The following GSG1L variants were observed in gnomAD, a reference collection of about 807,000 sequenced individuals.
The protein encoded by GSG1L is germ cell-specific gene 1-like protein.
In GSG1L, 24 loss-of-function variants were observed where a neutral mutation model predicts 42.1. The observed-to-expected ratio is 0.57, with a 90% CI of 0.41 to 0.80. GSG1L has a LOEUF of 0.80. Ranked by LOEUF, GSG1L falls within the 30% of genes least tolerant of loss-of-function variation. The pLI is 0.00. For missense variants in GSG1L, 445 were observed against 472.2 expected, an observed-to-expected ratio of 0.94 and a Z score of 0.53; for synonymous variants, 215 against 203.5, an observed-to-expected ratio of 1.06 and a Z score of -0.48.
At chr16:27,970,002 T>A (rs2085176415) in intron 1 of GSG1L, among the ~76,000 whole-genome samples, 1 of 152,338 alleles carries the variant, frequency 6.6e-6, no homozygotes, top group East Asian at 1.9e-4. Context: ...CATTTCTATA[T>A]CTTCTTTGGA....
intron 5 of GSG1L, among the ~76,000 whole-genome samples, chr16:27,817,099 G>A (rs1017424900): frequency 6.6e-6 from 1 of 152,230 alleles, no homozygotes; most frequent in Non-Finnish European, 1.5e-5. Flanking sequence ...GGACACTGAG[G>A]GAGGGTTTCA....
chr16:27,916,926 T>C (rs2084464180), intron 2 of GSG1L, among the ~76,000 whole-genome samples: 1 of 151,852 alleles, frequency 6.6e-6, no homozygotes, highest in Admixed American at 6.6e-5. Flanking sequence ...GTTAAGAGTG[T>C]CCAGGCAAGA....
chr16:27,971,223 G>A (rs2085189807), intron 1 of GSG1L, among the ~76,000 whole-genome samples: 1 of 152,172 alleles, frequency 6.6e-6, no homozygotes, highest in Non-Finnish European at 1.5e-5. Flanking sequence ...AATCTGTAAT[G>A]GGACCAATTT....
intron 3 of GSG1L, among the ~76,000 whole-genome samples, chr16:27,853,905 T>A (rs531017500): frequency 2.0e-5 from 3 of 152,120 alleles, no homozygotes; most frequent in Non-Finnish European, 4.4e-5. Context: ...ATATCTGACA[T>A]TAATGGACAT....
intron 5 of GSG1L, among the ~76,000 whole-genome samples, chr16:27,827,996 C>G (rs961849103): frequency 6.7e-6 from 1 of 150,004 alleles, no homozygotes; most frequent in East Asian, 2.0e-4. Flanking sequence ...CATCCACCTA[C>G]CCGTCTGTCC....
At chr16:27,930,647 A>G (rs1226860794) in intron 2 of GSG1L, among the ~76,000 whole-genome samples, 2 of 152,260 alleles carry the variant, frequency 1.3e-5, no homozygotes, top group African/African-American at 4.8e-5. Context: ...CAAGGTAGAC[A>G]TTGTCCCTGA....
chr16:27,899,562 A>T (rs1039304041), intron 2 of GSG1L, among the ~76,000 whole-genome samples: 7 of 152,172 alleles, frequency 4.6e-5, no homozygotes, highest in Non-Finnish European at 1.0e-4. Flanking sequence ...ACAAAAATTT[A>T]AAAAATTAGC....
At position 27,977,611 on chromosome 16, in the gene GSG1L, A is replaced by T. The variant is rs976969230; in HGVS notation, c.350-14408T>A. Among the ~76,000 whole-genome samples, 8 of 150,084 alleles carry T rather than the reference A, an allele frequency of 5.3e-5. No individual in the cohort carries two copies. The South Asian group carries it at 6.3e-4, about 12-fold the overall frequency. On this transcript the variant is annotated intron_variant, in intron 1 of 6. Coordinates refer to ENST00000447459, the MANE Select transcript of GSG1L (RefSeq NM_001109763.2). Reference sequence around the variant, plus strand: ...AGGGCAAGGACACATTCCAGAAGGCATTCTATGGCCAGACCAGGTATCTCT... The same window carrying T: ...AGGGCAAGGACACATTCCAGAAGGCTTTCTATGGCCAGACCAGGTATCTCT...
chr16:27,871,173 C>T (rs1005864553), intron 3 of GSG1L, among the ~76,000 whole-genome samples: 4 of 152,070 alleles, frequency 2.6e-5, no homozygotes, highest in African/African-American at 9.7e-5. Flanking sequence ...TCCGAGTTGT[C>T]GTGACTTGGG....
chr16:27,861,886 G>A (rs948432173), intron 3 of GSG1L, among the ~76,000 whole-genome samples: 1 of 152,142 alleles, frequency 6.6e-6, no homozygotes, highest in Non-Finnish European at 1.5e-5. Flanking sequence ...CTGGGCTTCA[G>A]AAATGCCAAA....
chr16:27,859,657 C>G (rs951269912), intron 3 of GSG1L, among the ~76,000 whole-genome samples: 1 of 152,172 alleles, frequency 6.6e-6, no homozygotes, highest in African/African-American at 2.4e-5. Flanking sequence ...GGTTTTCTAT[C>G]CCTCTTTATT....
chr16:28,063,018 TGGCCGCGCCGCCCC>T lies in GSG1L; in HGVS notation c.349+44_349+57del, dbSNP rs1229810757. On this transcript the variant is annotated intron_variant, in intron 1 of 6. Transcript: ENST00000447459. The surrounding 1 kb of genome is among the most constrained non-coding windows in gnomAD (Gnocchi z 5.8). ...AACGGGTCCGGGGCTCGGGCCTCGA[TGGCCGCGCCGCCCC>T]GGGGGAGCCGGAGCCGAGCTGGCCG... 2 of 1,316,034 alleles carry T rather than the reference TGGCCGCGCCGCCCC, an allele frequency of 1.5e-6. No homozygotes were observed. Among genetic ancestry groups the T allele is most frequent in the Admixed American group, 7.4e-5 (2 of 27,160 alleles). 81.5% of individuals were successfully genotyped at this position (1,316,034 alleles called of 1,614,324 possible).
intron 1 of GSG1L, among the ~76,000 whole-genome samples, chr16:27,976,987 G>T (rs1415148642): frequency 6.6e-6 from 1 of 152,100 alleles, no homozygotes; most frequent in Non-Finnish European, 1.5e-5. Flanking sequence ...CCTCTGCTAA[G>T]CCCCTTTGGA....
intron 2 of GSG1L, among the ~76,000 whole-genome samples, chr16:27,888,357 C>T (rs1257241704): frequency 3.3e-5 from 5 of 152,174 alleles, no homozygotes; most frequent in Non-Finnish European, 7.3e-5. Flanking sequence ...ACGGGTACCC[C>T]GATGCCTGGC....
At chr16:27,989,526 G>C (rs992458005) in intron 1 of GSG1L, among the ~76,000 whole-genome samples, 3 of 152,134 alleles carry the variant, frequency 2.0e-5, no homozygotes, top group Non-Finnish European at 2.9e-5. Context: ...GATCACCTGA[G>C]GTCAGGAGTT....
intron 1 of GSG1L, among the ~76,000 whole-genome samples, chr16:27,971,022 T>C (rs2085187950): frequency 1.3e-5 from 2 of 152,228 alleles, no homozygotes; most frequent in South Asian, 2.1e-4. Flanking sequence ...ATGTCTCTCC[T>C]TATACTACAC....
intron 1 of GSG1L, among the ~76,000 whole-genome samples, chr16:28,031,454 G>C (rs1219648628): frequency 6.6e-6 from 1 of 151,960 alleles, no homozygotes; most frequent in Admixed American, 6.6e-5. Flanking sequence ...GATGGGATGG[G>C]AATGGAATGG....
intron 1 of GSG1L, among the ~76,000 whole-genome samples, chr16:28,054,786 T>C (rs2086261175): frequency 6.6e-6 from 1 of 151,966 alleles, no homozygotes; most frequent in South Asian, 2.1e-4. Flanking sequence ...TACCCACCCC[T>C]CGAAAGTGTT....
intron 2 of GSG1L, chr16:27,888,141 T>C (rs1266065467): frequency 3.0e-6 from 3 of 985,380 alleles, no homozygotes; most frequent in Non-Finnish European, 3.6e-6. Context: ...ATGGCGCTGC[T>C]CACTGACTCA....
Sources: gnomAD v4.1 joint callset for allele counts (sites outside exome capture counted in the v4.1 genomes callset) on GRCh38, gnomAD v4.1.1 for gene constraint, Gnocchi (gnomAD v3.1) non-coding constraint, MANE v1.5 for transcripts, NCBI Gene and HGNC (gene_info 2026-07-23, HGNC 2026-07-21) for gene names.